Variants in RSRC1 observed in about 807,000 individuals in gnomAD.
RSRC1 encodes the protein arginine and serine rich coiled-coil 1.
RSRC1 carries 39 observed loss-of-function variants against 49.1 expected under a neutral mutation model. The observed-to-expected ratio is 0.79, with a 90% CI of 0.61 to 1.04. The LOEUF is 1.04. RSRC1 is among the 50% of genes least tolerant of loss of function. RSRC1 has a pLI of 0.00. For missense variants in RSRC1, 388 were observed against 402.4 expected (o/e 0.96, Z 0.31); for synonymous variants, 143 against 130.8 (o/e 1.09, Z -0.63).
intron 7 of RSRC1, among the ~76,000 whole-genome samples, chr3:158,479,734 A>G (rs1034406026): frequency 2.0e-5 from 3 of 152,140 alleles, no homozygotes; most frequent in African/African-American, 2.4e-5. Context: ...TTTGTAATAA[A>G]TAGCACAGAT....
intron 7 of RSRC1, among the ~76,000 whole-genome samples, chr3:158,486,246 AGT>A (rs751439666): frequency 1.3e-5 from 2 of 152,148 alleles, no homozygotes; most frequent in East Asian, 3.8e-4. Flanking sequence ...CCTGACTTCT[AGT>A]GTTGACTGAG....
intron 1 of RSRC1, among the ~76,000 whole-genome samples, chr3:158,111,287 A>T (rs931064302): frequency 3.3e-5 from 5 of 152,250 alleles, no homozygotes; most frequent in Non-Finnish European, 4.4e-5. Context: ...ATGCTAAGTG[A>T]TATAACACTT....
chr3:158,131,000 A>G (rs1458554918), intron 3 of RSRC1, among the ~76,000 whole-genome samples: 1 of 152,120 alleles, frequency 6.6e-6, no homozygotes, highest in African/African-American at 2.4e-5. Context: ...GGCTCATTGC[A>G]GTGTCTAGGA....
chr3:158,144,979 G>T (rs541274498), intron 3 of RSRC1, among the ~76,000 whole-genome samples: 2 of 151,834 alleles, frequency 1.3e-5, no homozygotes, highest in South Asian at 2.1e-4. Flanking sequence ...TGTTGATGGG[G>T]TTGTTTTTTT....
chr3:158,448,177 C>A (rs1736823808), intron 6 of RSRC1, among the ~76,000 whole-genome samples: 1 of 151,746 alleles, frequency 6.6e-6, no homozygotes, highest in Non-Finnish European at 1.5e-5. Context: ...GTCGAAGGAA[C>A]ACAGAATGAT....
intron 1 of RSRC1, among the ~76,000 whole-genome samples, chr3:158,113,085 A>G (rs1462876225): frequency 1.3e-5 from 2 of 151,772 alleles, no homozygotes; most frequent in African/African-American, 2.4e-5. Flanking sequence ...TGCTATTGTG[A>G]ATAATGCTGC....
chr3:158,187,507 A>G (rs1578176816), intron 3 of RSRC1, among the ~76,000 whole-genome samples: 1 of 152,050 alleles, frequency 6.6e-6, no homozygotes, highest in Admixed American at 6.6e-5. Flanking sequence ...TGGCATTTTG[A>G]TAAGATATAT....
intron 6 of RSRC1, among the ~76,000 whole-genome samples, chr3:158,452,284 T>A (rs1001888224): frequency 2.0e-5 from 3 of 152,190 alleles, no homozygotes; most frequent in Non-Finnish European, 4.4e-5. Context: ...ATACACATAG[T>A]AATGACTTAT....
chr3:158,486,950 C>T (rs184486431), intron 7 of RSRC1, among the ~76,000 whole-genome samples: 1 of 152,216 alleles, frequency 6.6e-6, no homozygotes, highest in African/African-American at 2.4e-5. Flanking sequence ...GATCTTCCAC[C>T]GCAGCATGTA....
intron 3 of RSRC1, among the ~76,000 whole-genome samples, chr3:158,159,762 A>C (rs919443603): frequency 2.6e-5 from 4 of 152,104 alleles, no homozygotes; most frequent in African/African-American, 7.2e-5. Flanking sequence ...GGGCTTTAAA[A>C]ATTTTGAGCC....
intron 3 of RSRC1, among the ~76,000 whole-genome samples, chr3:158,127,513 A>G (rs1322601181): frequency 6.7e-6 from 1 of 149,220 alleles, no homozygotes; most frequent in Admixed American, 6.6e-5. Flanking sequence ...TGGCATTAGC[A>G]TTTTTGCTTT....
At chr3:158,361,139 G>A (rs1462913232) in intron 6 of RSRC1, among the ~76,000 whole-genome samples, 2 of 152,156 alleles carry the variant, frequency 1.3e-5, no homozygotes, top group Non-Finnish European at 2.9e-5. Context: ...TGGCCATTGG[G>A]AATGTCAGGC....
intron 6 of RSRC1, among the ~76,000 whole-genome samples, chr3:158,402,956 T>C (rs978069193): frequency 6.6e-5 from 10 of 150,852 alleles, no homozygotes; most frequent in African/African-American, 2.4e-4. Context: ...TTCAGCTGTT[T>C]GTAGGTGATT....
chr3:158,375,983 ACT>A (rs1382993932), intron 6 of RSRC1, among the ~76,000 whole-genome samples: 1 of 144,750 alleles, frequency 6.9e-6, no homozygotes, highest in Admixed American at 6.7e-5. Flanking sequence ...TTTAAGGGTG[ACT>A]CTCCACTGAT....
At chr3:158,272,090 A>G (rs1725550440) in intron 4 of RSRC1, among the ~76,000 whole-genome samples, 1 of 152,100 alleles carries the variant, frequency 6.6e-6, no homozygotes, top group Non-Finnish European at 1.5e-5. Context: ...AAGTGAATGG[A>G]CACTGATGTT....
At chr3:158,424,915 C>T (rs1289540003) in intron 6 of RSRC1, among the ~76,000 whole-genome samples, 5 of 151,478 alleles carry the variant, frequency 3.3e-5, no homozygotes, top group South Asian at 2.1e-4. Flanking sequence ...TCTGTGGGAT[C>T]GGTGGTGATA....
chr3:158,152,792 A>C (rs1339300347), intron 3 of RSRC1, among the ~76,000 whole-genome samples: 1 of 152,152 alleles, frequency 6.6e-6, no homozygotes, highest in African/African-American at 2.4e-5. Flanking sequence ...TAATAATATG[A>C]CTTTTAGTTT....
rs564321374 is a variant in RSRC1, at chr3:158,184,644, A to G, written c.321-18428A>G. On this transcript the variant is annotated intron_variant, in intron 3 of 9. Coordinates refer to ENST00000611884, the MANE Select transcript of RSRC1 (RefSeq NM_001271838.2). Reference sequence around the variant, plus strand: ...CTTATTTAAAGGCAAGTGGATAGCAATCTTAACTGGTAAACTATTAGGTCT... The same window carrying G: ...CTTATTTAAAGGCAAGTGGATAGCAGTCTTAACTGGTAAACTATTAGGTCT... Among the ~76,000 whole-genome samples, 12 of 152,300 alleles carry G rather than the reference A, an allele frequency of 7.9e-5. 1 individual carries two copies. Among genetic ancestry groups the G allele is most frequent in the Non-Finnish European group, 1.2e-4 (8 of 67,992 alleles).
chr3:158,120,153 G>A (rs985637571), intron 1 of RSRC1, among the ~76,000 whole-genome samples: 3 of 152,134 alleles, frequency 2.0e-5, no homozygotes, highest in Admixed American at 2.0e-4. Context: ...TTTAAAGCTG[G>A]AAAGTGTCGT....
Sources: gnomAD v4.1 joint callset for allele counts (sites outside exome capture counted in the v4.1 genomes callset) on GRCh38, gnomAD v4.1.1 for gene constraint, MANE v1.5 for transcripts, NCBI Gene and HGNC (gene_info 2026-07-23, HGNC 2026-07-21) for gene names.